Variants in KLF8 observed in about 807,000 individuals in gnomAD.
KLF8 encodes Krueppel-like factor 8.
Under a neutral mutation model 18.2 loss-of-function variants are expected in KLF8, and 10 were observed. That is an observed-to-expected ratio of 0.55 (90% CI 0.34 to 0.93). KLF8 has a LOEUF of 0.93. KLF8 is among the 40% of genes least tolerant of loss of function. The probability of loss-of-function intolerance (pLI) is 0.02; values close to 1 mark genes in which losing one functional copy is unlikely to be tolerated. For synonymous variants in KLF8, 109 were observed against 97.3 expected (o/e 1.12, Z -0.71); for missense variants, 264 against 277.9 (o/e 0.95, Z 0.36).
chrX:56,185,853 C>G, the KLF8 span, among the ~76,000 whole-genome samples: 1 of 111,469 alleles, frequency 9.0e-6, no homozygotes, highest in East Asian at 2.8e-4. Context: ...CAGGCCTGCC[C>G]TAAAAGAGAT....
the KLF8 span, among the ~76,000 whole-genome samples, chrX:55,963,623 C>A: frequency 0.019 from 2,172 of 111,906 alleles, 12 homozygotes; most frequent in Middle Eastern, 0.046. Context: ...ATACATAAAA[C>A]AAGTTCTTGG....
At chrX:56,041,164 G>A in the KLF8 span, among the ~76,000 whole-genome samples, 321 of 109,070 alleles carry the variant, frequency 2.9e-3, no homozygotes, top group African/African-American at 1.0e-2. Flanking sequence ...CACTCTTGTC[G>A]CCCAGGCTGG....
the KLF8 span, among the ~76,000 whole-genome samples, chrX:56,122,148 G>A: frequency 9.0e-6 from 1 of 111,396 alleles, no homozygotes. Context: ...TGGGCTGTGG[G>A]AGGGGTGAAA....
chrX:56,097,336 T>A, the KLF8 span, among the ~76,000 whole-genome samples: 18 of 106,509 alleles, frequency 1.7e-4, no homozygotes, highest in African/African-American at 5.8e-4. Context: ...CTACACCCTT[T>A]CTTTCTTTTT....
At chrX:56,159,868 T>A in the KLF8 span, among the ~76,000 whole-genome samples, 2 of 111,619 alleles carry the variant, frequency 1.8e-5, no homozygotes, top group East Asian at 5.6e-4. Context: ...TTTGAAGGGT[T>A]TTTTTATGTC....
the KLF8 span, among the ~76,000 whole-genome samples, chrX:56,085,520 T>C: frequency 8.9e-6 from 1 of 112,329 alleles, no homozygotes; most frequent in Non-Finnish European, 1.9e-5. Flanking sequence ...GCTCTCTATG[T>C]ATTGGATGAT....
chrX:56,284,707 T>TC lies in KLF8; in HGVS notation c.*214dup, dbSNP rs1039201891. 6 of 293,686 alleles carry TC rather than the reference T, an allele frequency of 2.0e-5. No homozygotes were observed. Among genetic ancestry groups the TC allele is most frequent in the Non-Finnish European group, 3.5e-5 (6 of 169,951 alleles). The allele number at this position is 293,686 out of a possible 1,213,427, so 24.2% of individuals were successfully genotyped here. A position where few individuals can be genotyped will look rare whatever the true frequency, so the allele number is the denominator to read the frequency against. ...TCTCCACTGTCCAGACCCGTTTTTT[T>TC]CAACCTCCACATGGGTTGAATTCCA... On this transcript the variant is annotated 3_prime_UTR_variant, in exon 6 of 6. Transcript: ENST00000468660.
At chrX:56,238,057 C>A (rs1345078646) in intron 1 of KLF8, among the ~76,000 whole-genome samples, 1 of 111,884 alleles carries the variant, frequency 8.9e-6, no homozygotes, top group Non-Finnish European at 1.9e-5. Flanking sequence ...GGTCTTCTAC[C>A]TATTAATTTT....
chrX:55,983,620 C>T, the KLF8 span, among the ~76,000 whole-genome samples: 1 of 112,062 alleles, frequency 8.9e-6, no homozygotes, highest in East Asian at 2.8e-4. Flanking sequence ...TACACATAGT[C>T]TTGCCTAAAT....
the KLF8 span, among the ~76,000 whole-genome samples, chrX:56,078,034 A>AT: frequency 9.2e-6 from 1 of 109,182 alleles, no homozygotes. Context: ...GCTTAAGGGG[A>AT]TTTTGGGTTG....
the KLF8 span, among the ~76,000 whole-genome samples, chrX:56,050,215 C>A: frequency 7.2e-5 from 8 of 111,336 alleles, no homozygotes; most frequent in African/African-American, 2.6e-4. Context: ...TTTCAAAAAA[C>A]CAGCTCCTGG....
At chrX:56,160,754 C>A in the KLF8 span, among the ~76,000 whole-genome samples, 1 of 111,276 alleles carries the variant, frequency 9.0e-6, no homozygotes, top group Non-Finnish European at 1.9e-5. Context: ...AGATCTTCTT[C>A]CATCCCTTTA....
At position 56,285,595 on chromosome X, in the gene KLF8, T is replaced by G. The variant is rs1453759386; in HGVS notation, c.*1101T>G. On this transcript the variant is annotated 3_prime_UTR_variant, in exon 6 of 6. Transcript: ENST00000468660. ...AATGTTGTTCACTCCATGGAATTAT[T>G]GGCATTCATTCCTGTGTTTCAAATG... 1 of 112,045 alleles carries G rather than the reference T, an allele frequency of 8.9e-6. No homozygotes were observed. Among genetic ancestry groups the G allele is most frequent in the Non-Finnish European group, 1.9e-5 (1 of 53,203 alleles). The allele number at this position is 112,045 out of a possible 1,213,427, so 9.2% of individuals were successfully genotyped here.
chrX:55,995,999 T>C, the KLF8 span, among the ~76,000 whole-genome samples: 2 of 111,913 alleles, frequency 1.8e-5, no homozygotes, highest in Non-Finnish European at 3.8e-5. Flanking sequence ...GGGACACCAA[T>C]GAGTCATAAG....
chrX:56,022,589 T>C, the KLF8 span, among the ~76,000 whole-genome samples: 953 of 82,302 alleles, frequency 0.012, 5 homozygotes, highest in African/African-American at 0.054. Context: ...AAAAGAAAAA[T>C]ATCTGAAGCT....
the KLF8 span, among the ~76,000 whole-genome samples, chrX:56,176,645 T>G: frequency 1.8e-5 from 2 of 111,337 alleles, no homozygotes; most frequent in Non-Finnish European, 3.8e-5. Context: ...TTTGAATGTT[T>G]GCCTGCCTTA....
At chrX:56,055,534 A>T in the KLF8 span, among the ~76,000 whole-genome samples, 45 of 111,643 alleles carry the variant, frequency 4.0e-4, no homozygotes, top group Non-Finnish European at 6.4e-4. Flanking sequence ...TCTGATGATT[A>T]TGTTGCTTGG....
the KLF8 span, among the ~76,000 whole-genome samples, chrX:56,188,113 A>G: frequency 9.0e-6 from 1 of 111,100 alleles, no homozygotes; most frequent in Non-Finnish European, 1.9e-5. Flanking sequence ...ATGATTGTAT[A>G]TCTAGAAAAC....
chrX:55,930,008 C>T, the KLF8 span, among the ~76,000 whole-genome samples: 10 of 110,450 alleles, frequency 9.1e-5, 1 homozygote, highest in African/African-American at 3.3e-4. Context: ...TTCTTCCTAC[C>T]CATGAGCATG....
Sources: gnomAD v4.1 joint callset for allele counts (sites outside exome capture counted in the v4.1 genomes callset) on GRCh38, gnomAD v4.1.1 for gene constraint, MANE v1.5 for transcripts, NCBI Gene and HGNC (gene_info 2026-07-23, HGNC 2026-07-21) for gene names.